Variants in PAPPA2 observed in about 807,000 individuals in gnomAD.
PAPPA2 encodes pappalysin-2.
A neutral mutation model predicts 176.4 loss-of-function variants in PAPPA2; 86 were observed. That is an observed-to-expected ratio of 0.49 (90% CI 0.41 to 0.58). The LOEUF (loss-of-function observed/expected upper bound fraction) is 0.58, where lower values mean the gene tolerates loss of function less well. PAPPA2 is among the 20% of genes least tolerant of loss of function. The pLI, the probability that PAPPA2 is intolerant of heterozygous loss-of-function variation, is 0.00. For synonymous variants in PAPPA2, 809 were observed against 852.2 expected (o/e 0.95, Z 0.88); for missense variants, 2,073 against 2,256.9 (o/e 0.92, Z 1.65).
In PAPPA2 at chr1:176,842,421, C is replaced by A. The variant is rs756305949; in HGVS notation, c.5343C>A (p.Thr1781=). The A allele has an allele frequency of 6.2e-7, 1 of 1,613,342 alleles. No individual in the cohort carries two copies. Among genetic ancestry groups the A allele is most frequent in the East Asian group, 2.2e-5 (1 of 44,838 alleles). Residue 1781 remains threonine, a synonymous_variant, in exon 23 of 23, where the codon ACC becomes ACA. Transcript: ENST00000367662. Reference sequence around the variant, plus strand: ...CTGACTGTGACCTGGATGAGTGCACCTGCCGGGACCCCAAGGCAGAAGAAA... The same window carrying A: ...CTGACTGTGACCTGGATGAGTGCACATGCCGGGACCCCAAGGCAGAAGAAA... ...FAADCDLDEC[T]CRDPKAEENQ
chr1:176,615,774 C>A (rs1655185977), intron 3 of PAPPA2, among the ~76,000 whole-genome samples: 1 of 152,152 alleles, frequency 6.6e-6, no homozygotes. Context: ...AGTGAGCAGA[C>A]AAATCACCAT....
intron 21 of PAPPA2, among the ~76,000 whole-genome samples, chr1:176,826,042 A>G (rs1666854161): frequency 6.6e-6 from 1 of 152,192 alleles, no homozygotes; most frequent in South Asian, 2.1e-4. Flanking sequence ...TGTTTTACTG[A>G]TGAGGAAACT....
chr1:176,625,399 T>A (rs1033616268), intron 3 of PAPPA2, among the ~76,000 whole-genome samples: 1 of 152,172 alleles, frequency 6.6e-6, no homozygotes, highest in African/African-American at 2.4e-5. Flanking sequence ...CATGTCTCAT[T>A]CGTCTGTGTC....
intron 17 of PAPPA2, among the ~76,000 whole-genome samples, chr1:176,787,161 C>G (rs562676395): frequency 7.2e-5 from 11 of 151,982 alleles, no homozygotes; most frequent in Non-Finnish European, 1.5e-4. Context: ...AAATATAGAT[C>G]AAAAATGGCA....
At position 176,714,409 on chromosome 1, in the gene PAPPA2, A is replaced by G. The variant is rs529828946; in HGVS notation, c.3798+2428A>G. On this transcript the variant is annotated intron_variant, in intron 12 of 22. Transcript: ENST00000367662. ...TTGGGAGACTTAGCCTTACTGGGAG[A>G]AAAAAAAAAAAGGATACCTTGAGGA... Among the ~76,000 whole-genome samples the G allele has an allele frequency of 9.0e-5, 13 of 143,890 alleles. No homozygotes were observed. The East Asian group carries it at 2.2e-3, about 24-fold the overall frequency. 94.4% of individuals were successfully genotyped at this position (143,890 alleles called of 152,430 possible).
At chr1:176,596,632 A>C (rs945401982) in intron 3 of PAPPA2, among the ~76,000 whole-genome samples, 2 of 152,076 alleles carry the variant, frequency 1.3e-5, no homozygotes, top group Non-Finnish European at 2.9e-5. Flanking sequence ...TTTTTCCCCT[A>C]TTTGGAATAT....
chr1:176,825,234 C>A (rs1490645078), intron 21 of PAPPA2, among the ~76,000 whole-genome samples: 1 of 152,148 alleles, frequency 6.6e-6, no homozygotes, highest in Non-Finnish European at 1.5e-5. Context: ...CTCATACTTA[C>A]TTCACCCAGG....
intron 1 of PAPPA2, among the ~76,000 whole-genome samples, chr1:176,484,731 A>G (rs1227213998): frequency 6.6e-6 from 1 of 152,120 alleles, no homozygotes; most frequent in Non-Finnish European, 1.5e-5. Context: ...CTACATCTCT[A>G]CATTACCTGT....
In PAPPA2 at chr1:176,669,544, C is replaced by T. The variant is rs189063233; in HGVS notation, c.1992-1426C>T. ...CAGGAAAGCAGCAGGAGAACTATCC[C>T]CCTGATCACATATGATATCATCTCA... On this transcript the variant is annotated intron_variant, in intron 3 of 22. Transcript: ENST00000367662. Among the ~76,000 whole-genome samples, 48 of 152,208 alleles carry T rather than the reference C, an allele frequency of 3.2e-4. 1 individual carries two copies. The Middle Eastern group carries it at 0.01, about 32-fold the overall frequency.
intron 1 of PAPPA2, among the ~76,000 whole-genome samples, chr1:176,522,754 GC>G (rs1649281505): frequency 6.6e-6 from 1 of 152,206 alleles, no homozygotes. Flanking sequence ...CCTGGTAGGT[GC>G]CCTTTAGGGT....
chr1:176,750,737 TGAGAAAATTGAGGAA>T (rs1663135573), intron 14 of PAPPA2, among the ~76,000 whole-genome samples: 1 of 152,170 alleles, frequency 6.6e-6, no homozygotes, highest in Admixed American at 6.5e-5. Flanking sequence ...AAAATCTTAT[TGAGAAAATTGAGGAA>T]GAGAAAATAC....
intron 15 of PAPPA2, among the ~76,000 whole-genome samples, chr1:176,768,412 G>A (rs1664074414): frequency 6.6e-6 from 1 of 152,046 alleles, no homozygotes; most frequent in Non-Finnish European, 1.5e-5. Flanking sequence ...CTTTATTGTT[G>A]CATATTTGTG....
chr1:176,476,000 T>G (rs1652097585), intron 1 of PAPPA2, among the ~76,000 whole-genome samples: 2 of 152,326 alleles, frequency 1.3e-5, no homozygotes, highest in East Asian at 3.9e-4. Flanking sequence ...CTGACTTTTC[T>G]GAGTTACTGT....
intron 20 of PAPPA2, among the ~76,000 whole-genome samples, chr1:176,794,224 G>C (rs1278207699): frequency 6.6e-6 from 1 of 152,126 alleles, no homozygotes; most frequent in East Asian, 1.9e-4. Flanking sequence ...ACATATCGAA[G>C]TAGCAACTGA....
chr1:176,635,331 A>G (rs1246380757), intron 3 of PAPPA2, among the ~76,000 whole-genome samples: 6 of 152,192 alleles, frequency 3.9e-5, no homozygotes, highest in Non-Finnish European at 7.3e-5. Context: ...TTATAAAAAT[A>G]CACTTTGGAT....
chr1:176,635,410 A>G (rs542538650), intron 3 of PAPPA2, among the ~76,000 whole-genome samples: 5 of 152,274 alleles, frequency 3.3e-5, no homozygotes, highest in East Asian at 3.9e-4. Context: ...ACATTGCCCT[A>G]TATCTACCCT....
Position 176,493,066 on chromosome 1 carries a change from A to T in PAPPA2, c.-917+29648A>T, listed in dbSNP as rs532284423. 2.0e-5 allele frequency among the ~76,000 whole-genome samples: 3 copies of T among 152,316 alleles called. No individual in the cohort carries two copies. The South Asian group carries it at 6.2e-4, about 32-fold the overall frequency. On this transcript the variant is annotated intron_variant, in intron 1 of 22. Transcript: ENST00000367662. ...AATTGATTATATAATATGCTAACCAATTATGACTTTCAGTTTGAAAAACAC... is the reference window on the plus strand; with the variant it reads ...AATTGATTATATAATATGCTAACCATTTATGACTTTCAGTTTGAAAAACAC...
intron 1 of PAPPA2, among the ~76,000 whole-genome samples, chr1:176,539,373 A>T (rs1317332624): frequency 1.3e-5 from 2 of 152,224 alleles, no homozygotes; most frequent in Non-Finnish European, 2.9e-5. Context: ...ATCCAGCAGG[A>T]GCCACAGATG....
intron 1 of PAPPA2, among the ~76,000 whole-genome samples, chr1:176,480,902 A>G (rs2102478870): frequency 6.6e-6 from 1 of 152,074 alleles, no homozygotes; most frequent in Admixed American, 6.5e-5. Context: ...ACCTTCCCAC[A>G]GCAGCCACCT....
Sources: allele counts gnomAD v4.1 joint callset (sites outside exome capture counted in the v4.1 genomes callset), GRCh38; gene constraint gnomAD v4.1.1; transcripts MANE v1.5; gene names NCBI Gene and HGNC (gene_info 2026-07-23, HGNC 2026-07-21).